The following SHC4 variants were observed in gnomAD, a reference collection of about 807,000 sequenced individuals.
The protein encoded by SHC4 is SHC-transforming protein 4.
Under a neutral mutation model 69.4 loss-of-function variants are expected in SHC4, and 41 were observed. The ratio of observed to expected loss-of-function variants is 0.59; its 90% CI spans 0.46 to 0.77. The LOEUF (loss-of-function observed/expected upper bound fraction) is 0.77. Ranked by LOEUF, SHC4 falls within the 30% of genes least tolerant of loss-of-function variation. The probability of loss-of-function intolerance (pLI) is 0.00; values close to 1 mark genes in which losing one functional copy is unlikely to be tolerated. For synonymous variants in SHC4, 318 were observed against 299.3 expected (o/e 1.06, Z -0.64); for missense variants, 777 against 783.8 (o/e 0.99, Z 0.10).
At chr15:48,885,740 G>T (rs914145811) in intron 3 of SHC4, among the ~76,000 whole-genome samples, 64 of 152,194 alleles carry the variant, frequency 4.2e-4, no homozygotes, top group African/African-American at 1.4e-3. Flanking sequence ...TTAATTCCAA[G>T]CACATTCTAA....
At chr15:48,864,793 A>C (rs1899526022) in intron 6 of SHC4, among the ~76,000 whole-genome samples, 1 of 152,174 alleles carries the variant, frequency 6.6e-6, no homozygotes, top group South Asian at 2.1e-4. Context: ...ATGATCATTT[A>C]GTAATTTCAG....
intron 1 of SHC4, among the ~76,000 whole-genome samples, chr15:48,945,362 T>C (rs1380671186): frequency 1.3e-5 from 2 of 151,476 alleles, no homozygotes; most frequent in Non-Finnish European, 2.9e-5. Context: ...CAGTATCCAC[T>C]TCTGGGTGTA....
chr15:48,863,540 C>A (rs540077746), intron 6 of SHC4, among the ~76,000 whole-genome samples: 2 of 152,162 alleles, frequency 1.3e-5, no homozygotes, highest in South Asian at 2.1e-4. Flanking sequence ...AATCTTTGTA[C>A]GTATCCTAAT....
intron 4 of SHC4, chr15:48,878,865 A>C: frequency 2.5e-6 from 2 of 810,964 alleles, no homozygotes; most frequent in South Asian, 1.9e-5. Flanking sequence ...TTTGTTTTTC[A>C]GAATAGAACA....
rs200711127 is a variant in SHC4, at chr15:48,857,734, T to C, written c.1028A>G (p.Lys343Arg). 9 of 1,606,658 alleles carry C rather than the reference T, an allele frequency of 5.6e-6. No homozygotes were observed. Among genetic ancestry groups the C allele is most frequent in the Non-Finnish European group, 7.7e-6 (9 of 1,175,604 alleles). ...CAAAGAAGGATTTTTCAAGTACTGTTTAAACCGGAGTTCAAAAGCCTGCCC... is the reference window on the plus strand; with the variant it reads ...CAAAGAAGGATTTTTCAAGTACTGTCTAAACCGGAGTTCAAAAGCCTGCCC... ...TIGQAFELRFKQYLKNPSLNT... is the reference protein window; with the variant it reads ...TIGQAFELRFRQYLKNPSLNT... Residue 343 changes from lysine (K) to arginine (R), a missense_variant, in exon 7 of 12, where the codon AAA (lysine) becomes AGA (arginine). Coordinates refer to ENST00000332408, the MANE Select transcript of SHC4 (RefSeq NM_203349.4).
At chr15:48,863,685 C>T (rs573606936) in intron 6 of SHC4, among the ~76,000 whole-genome samples, 3 of 152,122 alleles carry the variant, frequency 2.0e-5, no homozygotes, top group Non-Finnish European at 2.9e-5. Context: ...AACTACTACT[C>T]GAAACCACAT....
At chr15:48,897,625 A>G (rs1017203883) in intron 2 of SHC4, among the ~76,000 whole-genome samples, 1 of 150,720 alleles carries the variant, frequency 6.6e-6, no homozygotes, top group African/African-American at 2.4e-5. Context: ...TGCGCGGCAG[A>G]TTTTTTCTGG....
chr15:48,894,949 C>T (rs922628610), intron 2 of SHC4, among the ~76,000 whole-genome samples: 2 of 151,954 alleles, frequency 1.3e-5, no homozygotes, highest in Admixed American at 6.6e-5. Context: ...AAAACCGCCA[C>T]AATTAGCTAA....
intron 11 of SHC4, among the ~76,000 whole-genome samples, chr15:48,832,642 C>T (rs996763798): frequency 5.3e-5 from 8 of 152,082 alleles, no homozygotes; most frequent in Admixed American, 5.2e-4. Context: ...TTCTTCTTCT[C>T]CTTCACTCTC....
chr15:48,866,843 C>T lies in SHC4; in HGVS notation c.946+975G>A, dbSNP rs528339906. Among the ~76,000 whole-genome samples, 130 of 152,304 alleles carry T rather than the reference C, an allele frequency of 8.5e-4. 2 individuals are homozygous for T. In the Middle Eastern group the frequency reaches 0.02, roughly 24 times the overall value. ...AGCAGAGGATGTGGCCCAACCAATA[C>T]GTTCTAGTTAAGGAGGAACCTAACA... On this transcript the variant is annotated intron_variant, in intron 6 of 11. Coordinates refer to ENST00000332408, the MANE Select transcript of SHC4 (RefSeq NM_203349.4).
rs142088023 is a variant in SHC4 at position 48,854,749 on chromosome 15, T to C, written c.1242+1204A>G. 6.0e-3 allele frequency among the ~76,000 whole-genome samples: 916 copies of C among 152,254 alleles called. 6 individuals are homozygous for C. Among genetic ancestry groups the C allele is most frequent in the African/African-American group, 0.018 (760 of 41,550 alleles). On this transcript the variant is annotated intron_variant, in intron 8 of 11. Transcript: ENST00000332408. The stretch of plus-strand genomic sequence containing the variant: ...ACCAAATACCACATGTTCTCACTTA[T>C]AAGTAGGAGCTAAATATTGGGTACT...
At chr15:48,943,159 T>C (rs1901205041) in intron 1 of SHC4, among the ~76,000 whole-genome samples, 1 of 152,172 alleles carries the variant, frequency 6.6e-6, no homozygotes, top group South Asian at 2.1e-4. Context: ...TACAATCCAA[T>C]GTTACTAACA....
rs1480495976 is a variant in SHC4, at chr15:48,823,830, G to GT, written c.*2140dup. The GT allele has an allele frequency of 2.0e-5, 3 of 152,226 alleles. No individual in the cohort carries two copies. Among genetic ancestry groups the GT allele is most frequent in the Non-Finnish European group, 2.9e-5 (2 of 68,026 alleles). The allele number at this position is 152,226 out of a possible 1,614,324, so 9.4% of individuals were successfully genotyped here. A position where few individuals can be genotyped will look rare whatever the true frequency, so the allele number is the denominator to read the frequency against. On this transcript the variant is annotated 3_prime_UTR_variant, in exon 12 of 12. Transcript: ENST00000332408. ...TTCCACTTTAAGACAGATAAAGAATGTGAGATTAAAATAGCATGCAGACAT... is the reference window on the plus strand; with the variant it reads ...TTCCACTTTAAGACAGATAAAGAATGTTGAGATTAAAATAGCATGCAGACAT...
intron 2 of SHC4, among the ~76,000 whole-genome samples, chr15:48,915,324 C>G (rs550288603): frequency 6.6e-6 from 1 of 152,300 alleles, no homozygotes; most frequent in East Asian, 1.9e-4. Context: ...CTATCAGAAC[C>G]ATTCCCAATT....
At chr15:48,877,434 T>G (rs890519181) in intron 4 of SHC4, 1 of 980,854 alleles carries the variant, frequency 1.0e-6, no homozygotes, top group Non-Finnish European at 1.2e-6. Flanking sequence ...ATATACAACT[T>G]AAAACCTGAG....
intron 2 of SHC4, among the ~76,000 whole-genome samples, chr15:48,896,290 C>T (rs1241513561): frequency 1.5e-5 from 2 of 136,052 alleles, no homozygotes; most frequent in East Asian, 5.1e-4. Context: ...CTCTCTCTCT[C>T]CCTCCCTCTC....
chr15:48,874,732 C>T (rs1386741267), intron 4 of SHC4, among the ~76,000 whole-genome samples: 1 of 152,160 alleles, frequency 6.6e-6, no homozygotes, highest in African/African-American at 2.4e-5. Flanking sequence ...CTTGCAGACT[C>T]ATATCAAAAC....
intron 1 of SHC4, among the ~76,000 whole-genome samples, chr15:48,940,663 G>C (rs890185364): frequency 2.6e-5 from 4 of 152,132 alleles, no homozygotes; most frequent in Non-Finnish European, 5.9e-5. Context: ...TCTCCCCAGC[G>C]CTCTAGGACT....
In SHC4 at chr15:48,963,082, G is replaced by A; in HGVS notation, c.-67C>T. On this transcript the variant is annotated 5_prime_UTR_variant, in exon 1 of 12. Coordinates refer to ENST00000332408, the MANE Select transcript of SHC4 (RefSeq NM_203349.4). The stretch of plus-strand genomic sequence containing the variant: ...CCTCGTCGTCTGGTAGATAAACGGT[G>A]CAGACATCAGATACCTCAACGCCCG... 6.7e-7 allele frequency: 1 copy of A among 1,485,784 alleles called. No homozygotes were observed. Among genetic ancestry groups the A allele is most frequent in the Non-Finnish European group, 9.1e-7 (1 of 1,100,870 alleles). 92.0% of individuals were successfully genotyped at this position (1,485,784 alleles called of 1,614,324 possible). A position where few individuals can be genotyped will look rare whatever the true frequency, so the allele number is the denominator to read the frequency against.
Sources: gnomAD v4.1 joint callset for allele counts (sites outside exome capture counted in the v4.1 genomes callset) on GRCh38, gnomAD v4.1.1 for gene constraint, MANE v1.5 for transcripts, NCBI Gene and HGNC (gene_info 2026-07-23, HGNC 2026-07-21) for gene names.